TRPM5: variants seen among roughly 807,000 people sequenced by gnomAD.
TRPM5 encodes the protein transient receptor potential cation channel subfamily M member 5.
In TRPM5, 121 loss-of-function variants were observed where a neutral mutation model predicts 124.9. The observed-to-expected ratio is 0.97, with a 90% CI of 0.84 to 1.13. The LOEUF is 1.13. TRPM5 is among the 50% of genes most tolerant of loss of function. The pLI, the probability that TRPM5 is intolerant of heterozygous loss-of-function variation, is 0.00. For missense variants in TRPM5, 1,643 were observed against 1,589.1 expected, an observed-to-expected ratio of 1.03 and a Z score of -0.58; for synonymous variants, 781 against 700.5, an observed-to-expected ratio of 1.11 and a Z score of -1.81.
At chr11:2,430,116 G>C in the TRPM5 span, among the ~76,000 whole-genome samples, 1 of 152,122 alleles carries the variant, frequency 6.6e-6, no homozygotes, top group East Asian at 1.9e-4. Flanking sequence ...GTTCCTCCCC[G>C]CCTACAACCT....
chr11:2,416,203 A>G (rs938164630), intron 7 of TRPM5, among the ~76,000 whole-genome samples, 179 bp from the exon 13 acceptor site: 13 of 152,174 alleles, frequency 8.5e-5, no homozygotes, highest in African/African-American at 3.1e-4. Context: ...CTTTGTACAA[A>G]CCGCAGGAGA....
At chr11:2,422,739 G>A (rs1052948308) in intron 1 of TRPM5, among the ~76,000 whole-genome samples, 181 bp downstream of exon 6, 7 of 152,002 alleles carry the variant, frequency 4.6e-5, no homozygotes, top group South Asian at 2.1e-4. Flanking sequence ...GTAGGAGGCC[G>A]GCCAGAGCCA....
At chr11:2,413,691 G>T in intron 12 of TRPM5, 103 bp from the exon 18 acceptor site, 1 of 1,107,664 alleles carries the variant, frequency 9.0e-7, no homozygotes, top group Non-Finnish European at 1.3e-6. Flanking sequence ...CACGTGAGCT[G>T]AAGGGGTGCC....
the TRPM5 span, among the ~76,000 whole-genome samples, chr11:2,434,994 T>C: frequency 2.0e-5 from 3 of 152,140 alleles, no homozygotes; most frequent in Non-Finnish European, 4.4e-5. Flanking sequence ...AGAGATGTGG[T>C]CTCACTATGC....
At chr11:2,434,132 G>T in the TRPM5 span, among the ~76,000 whole-genome samples, 3 of 149,872 alleles carry the variant, frequency 2.0e-5, no homozygotes, top group Non-Finnish European at 4.5e-5. Flanking sequence ...ACTGTGTGTG[G>T]CTGTGTGTGT....
chr11:2,414,334 A>G (rs1396313932), intron 11 of TRPM5, 128 bp from the exon 17 acceptor site: 1 of 1,353,542 alleles, frequency 7.4e-7, no homozygotes, highest in Non-Finnish European at 9.9e-7. Context: ...CGCAGGGCCC[A>G]GCCAGGCCTT....
rs981389283 is a variant in TRPM5, at chr11:2,409,201, C to T, written c.2783-1289G>A. The stretch of plus-strand genomic sequence containing the variant: ...AGTCAGTGAGCGCCAGCCCTCCCCA[C>T]GCTCCCACCCTAGGCCTGCCCCTCC... On this transcript the variant is annotated intron_variant, in intron 18 of 23. Coordinates refer to ENST00000155858, the Ensembl canonical transcript of TRPM5. Among the ~76,000 whole-genome samples the T allele has an allele frequency of 7.9e-5, 12 of 152,224 alleles. 1 individual carries two copies. Among genetic ancestry groups the T allele is most frequent in the African/African-American group, 2.2e-4 (9 of 41,542 alleles).
chr11:2,427,119 G>T (rs1406995511), upstream of TRPM5, among the ~76,000 whole-genome samples: 5 of 152,210 alleles, frequency 3.3e-5, no homozygotes, highest in Non-Finnish European at 7.4e-5. Flanking sequence ...CCCCAGTGGG[G>T]CCGGCCCTTC....
At chr11:2,432,627 C>A in the TRPM5 span, among the ~76,000 whole-genome samples, 1 of 152,256 alleles carries the variant, frequency 6.6e-6, no homozygotes. Context: ...AGGCAGCCTC[C>A]CCCCAGGCAC....
chr11:2,413,274 C>T (rs1020290959), intron 13 of TRPM5, 48 bp from the exon 19 acceptor site: 13 of 1,482,670 alleles, frequency 8.8e-6, no homozygotes, highest in African/African-American at 2.8e-5. Flanking sequence ...CTCCCAGAGG[C>T]GCCTGCCTGG....
the TRPM5 span, among the ~76,000 whole-genome samples, chr11:2,435,614 T>C: frequency 6.6e-6 from 1 of 151,336 alleles, no homozygotes; most frequent in Admixed American, 6.6e-5. The surrounding 1 kb of genome is among the most constrained non-coding windows in gnomAD (Gnocchi z 4.1). Context: ...CATCCATCCA[T>C]CCATCCACCC....
exon 18 of TRPM5, chr11:2,411,426 T>C (rs1850448319): frequency 6.2e-7 from 1 of 1,612,170 alleles, no homozygotes; most frequent in South Asian, 1.1e-5. Flanking sequence ...GAAGATCCAC[T>C]CCAGGCGGCC....
exon 24 of TRPM5, chr11:2,404,610 C>A (rs543351137): frequency 1.9e-5 from 6 of 320,306 alleles, no homozygotes; most frequent in Admixed American, 4.8e-5. Context: ...TGGGGGTGCT[C>A]CCCCGTCACG....
rs758611744 is a variant in TRPM5 at position 2,412,172 on chromosome 11, CCATGT to C, written c.2432_2436del (p.Asp811GlyfsTer20). The stretch of plus-strand genomic sequence containing the variant: ...CCCACGATGAACAGGAAGATGGCCA[CCATGT>C]CACACTTGTTCCAGTTGTCCCCCAC... On this transcript the variant is annotated frameshift_variant, in exon 16 of 24. Coordinates refer to ENST00000155858, the Ensembl canonical transcript of TRPM5. LOFTEE classifies it high-confidence loss of function. The C allele has an allele frequency of 4.3e-6, 7 of 1,613,588 alleles. No individual in the cohort carries two copies. In the East Asian group the frequency reaches 1.6e-4, roughly 36 times the overall value.
intron 12 of TRPM5, 52 bp downstream of exon 17, chr11:2,414,009 G>GGGGGGGGGCCCCC: frequency 9.8e-7 from 1 of 1,023,732 alleles, no homozygotes; most frequent in Non-Finnish European, 1.4e-6. Flanking sequence ...GGCCCAGCTC[G>GGGGGGGGGCCCCC]CCCGCCCACC....
chr11:2,413,362 T>G (rs765198869), intron 13 of TRPM5, 114 bp downstream of exon 18: 29 of 1,308,798 alleles, frequency 2.2e-5, no homozygotes, highest in Non-Finnish European at 2.8e-5. Flanking sequence ...AGGCTGGACT[T>G]GGGGGCTACA....
upstream of TRPM5, among the ~76,000 whole-genome samples, chr11:2,425,135 G>A (rs1407435403): frequency 1.3e-5 from 2 of 152,168 alleles, no homozygotes; most frequent in African/African-American, 4.8e-5. Flanking sequence ...GGTGGGGGCT[G>A]GAGGCTGGGA....
chr11:2,436,760 G>A, the TRPM5 span, among the ~76,000 whole-genome samples: 1 of 152,252 alleles, frequency 6.6e-6, no homozygotes, highest in Non-Finnish European at 1.5e-5. Flanking sequence ...AGCAGTCTCC[G>A]GAAGTGATTT....
At chr11:2,422,490 G>C (rs1280295010) in intron 1 of TRPM5, among the ~76,000 whole-genome samples, 169 bp from the exon 7 acceptor site, 1 of 151,472 alleles carries the variant, frequency 6.6e-6, no homozygotes, top group African/African-American at 2.4e-5. Flanking sequence ...GGGGTACCGG[G>C]GAGGTGCTGG....
Sources: gnomAD v4.1 joint callset for allele counts (sites outside exome capture counted in the v4.1 genomes callset) on GRCh38, gnomAD v4.1.1 for gene constraint, Gnocchi (gnomAD v3.1) non-coding constraint, MANE v1.5 for transcripts, NCBI Gene and HGNC (gene_info 2026-07-23, HGNC 2026-07-21) for gene names.